The following GLIS3 variants were observed in gnomAD, a reference collection of about 807,000 sequenced individuals.
The protein encoded by GLIS3 is GLIS family zinc finger 3, also known as zinc finger protein GLIS3.
Under a neutral mutation model 78.6 loss-of-function variants are expected in GLIS3, and 53 were observed. The observed-to-expected ratio is 0.67, with a 90% CI of 0.54 to 0.85. The LOEUF (loss-of-function observed/expected upper bound fraction) is 0.85. Among genes scored for constraint, GLIS3 ranks in the 40% least tolerant of loss-of-function variants. The probability of loss-of-function intolerance (pLI) is 0.00; values close to 1 mark genes in which losing one functional copy is unlikely to be tolerated. For synonymous variants in GLIS3, 684 were observed against 509.9 expected (o/e 1.34, Z -4.60); for missense variants, 1,703 against 1,231.1 (o/e 1.38, Z -5.74).
At chr9:4,449,043 T>A in the GLIS3 span, among the ~76,000 whole-genome samples, 1 of 151,892 alleles carries the variant, frequency 6.6e-6, no homozygotes, top group Non-Finnish European at 1.5e-5. Context: ...GCACAAGGGG[T>A]CAGGGGATTT....
intron 2 of GLIS3, among the ~76,000 whole-genome samples, chr9:4,148,285 T>C (rs1199052884): frequency 3.3e-5 from 5 of 152,144 alleles, no homozygotes; most frequent in Non-Finnish European, 7.3e-5. Context: ...GAGTTTGATT[T>C]CAGCCTGAAT....
At chr9:4,166,849 C>G (rs1254253946) in intron 2 of GLIS3, among the ~76,000 whole-genome samples, 1 of 152,168 alleles carries the variant, frequency 6.6e-6, no homozygotes, top group East Asian at 1.9e-4. Flanking sequence ...TAGAGACAGC[C>G]AAGTCTTCCT....
chr9:4,404,508 A>G, the GLIS3 span, among the ~76,000 whole-genome samples: 1 of 152,210 alleles, frequency 6.6e-6, no homozygotes, highest in Non-Finnish European at 1.5e-5. Flanking sequence ...AATTAAAATA[A>G]TATCAAGCAT....
intron 6 of GLIS3, among the ~76,000 whole-genome samples, chr9:3,900,506 A>T (rs969180888): frequency 3.9e-5 from 6 of 151,900 alleles, no homozygotes; most frequent in African/African-American, 1.4e-4. Flanking sequence ...ATATACACAT[A>T]TATATATAAA....
chr9:4,479,187 G>A, the GLIS3 span, among the ~76,000 whole-genome samples: 2 of 152,092 alleles, frequency 1.3e-5, no homozygotes, highest in Non-Finnish European at 2.9e-5. Context: ...CAGCCTCCTA[G>A]AGTGCTGGGA....
At chr9:4,401,074 G>A in the GLIS3 span, among the ~76,000 whole-genome samples, 4 of 152,120 alleles carry the variant, frequency 2.6e-5, no homozygotes, top group African/African-American at 9.7e-5. Context: ...TTAGGCACCA[G>A]CTCAGCCACA....
upstream of GLIS3, among the ~76,000 whole-genome samples, chr9:4,303,664 C>T (rs891804081): frequency 6.6e-6 from 1 of 152,092 alleles, no homozygotes; most frequent in African/African-American, 2.4e-5. Flanking sequence ...ATGCAACTGA[C>T]CAAAATTTCA....
At chr9:3,900,499 T>A (rs1043112421) in intron 6 of GLIS3, among the ~76,000 whole-genome samples, 2 of 151,720 alleles carry the variant, frequency 1.3e-5, no homozygotes, top group Admixed American at 6.6e-5. Flanking sequence ...CCCCAAAATA[T>A]ACACATATAT....
intron 2 of GLIS3, among the ~76,000 whole-genome samples, chr9:4,324,657 T>C (rs369022887): frequency 9.2e-5 from 14 of 152,284 alleles, no homozygotes; most frequent in Non-Finnish European, 1.3e-4. Context: ...TCTGAACACA[T>C]AGTCCAGGAT....
intron 2 of GLIS3, chr9:4,285,691 A>C: frequency 4.0e-6 from 1 of 246,960 alleles, no homozygotes; most frequent in Non-Finnish European, 8.0e-6. Context: ...CCCCCAGGGA[A>C]ACAGGGCAGC....
At chr9:4,125,696 T>C (rs1832521278) in intron 3 of GLIS3, 38 bp downstream of exon 3, 1 of 1,448,024 alleles carries the variant, frequency 6.9e-7, no homozygotes, top group Admixed American at 1.7e-5. Context: ...GGTGTGTTTA[T>C]ACCATAAAGA....
intron 2 of GLIS3, among the ~76,000 whole-genome samples, chr9:4,267,170 C>A (rs1213757197): frequency 1.3e-5 from 2 of 152,154 alleles, no homozygotes; most frequent in African/African-American, 4.8e-5. Flanking sequence ...CTTCCTTAAC[C>A]TTATAGGGTT....
chr9:4,021,972 G>A (rs973623049), intron 4 of GLIS3, among the ~76,000 whole-genome samples: 92 of 152,130 alleles, frequency 6.0e-4, no homozygotes, highest in African/African-American at 2.1e-3. Context: ...GTTAAATAGC[G>A]GCTCGGTTAG....
At chr9:3,936,904 G>T in intron 5 of GLIS3, 124 bp downstream of exon 5, 1 of 1,321,640 alleles carries the variant, frequency 7.6e-7, no homozygotes, top group Non-Finnish European at 1.1e-6. Context: ...CTCCACTGCT[G>T]CCCTTGGCAT....
intron 2 of GLIS3, among the ~76,000 whole-genome samples, chr9:4,167,680 C>G (rs1815989659): frequency 1.3e-5 from 2 of 152,162 alleles, no homozygotes; most frequent in East Asian, 3.8e-4. Flanking sequence ...GTGGCAGTAT[C>G]GAGACTGGAA....
chr9:4,450,076 T>A, the GLIS3 span, among the ~76,000 whole-genome samples: 2 of 152,020 alleles, frequency 1.3e-5, no homozygotes, highest in African/African-American at 4.8e-5. Context: ...TTTGGACCCA[T>A]CACAAGGAAG....
At chr9:4,007,678 A>G (rs916518057) in intron 4 of GLIS3, among the ~76,000 whole-genome samples, 1 of 152,210 alleles carries the variant, frequency 6.6e-6, no homozygotes, top group African/African-American at 2.4e-5. Flanking sequence ...TTGTAGGCAC[A>G]CATGGGCACA....
chr9:4,139,421 G>A (rs1007551973), intron 2 of GLIS3, among the ~76,000 whole-genome samples: 1 of 152,218 alleles, frequency 6.6e-6, no homozygotes, highest in African/African-American at 2.4e-5. Flanking sequence ...CCTCTGAAAT[G>A]TGTGTAAGTC....
At chr9:4,181,338 C>A (rs1193774676) in intron 2 of GLIS3, among the ~76,000 whole-genome samples, 1 of 152,242 alleles carries the variant, frequency 6.6e-6, no homozygotes, top group Non-Finnish European at 1.5e-5. Context: ...CCCATCCCAG[C>A]CACTTGGCTC....
Sources: gnomAD v4.1 joint callset for allele counts (sites outside exome capture counted in the v4.1 genomes callset) on GRCh38, gnomAD v4.1.1 for gene constraint, MANE v1.5 for transcripts, NCBI Gene and HGNC (gene_info 2026-07-23, HGNC 2026-07-21) for gene names.